Variants in KIF21A observed in about 807,000 individuals in gnomAD.
The protein encoded by KIF21A is kinesin family member 21A.
A neutral mutation model predicts 202.9 loss-of-function variants in KIF21A; 114 were observed. The ratio of observed to expected loss-of-function variants is 0.56; its 90% confidence interval spans 0.48 to 0.66. The LOEUF is 0.66. Ranked by LOEUF, KIF21A falls within the 30% of genes least tolerant of loss-of-function variation. The pLI is 0.00. For synonymous variants in KIF21A, 667 were observed against 670.8 expected (o/e 0.99, Z 0.09); for missense variants, 1,677 against 1,994.9 (o/e 0.84, Z 3.04).
intron 1 of KIF21A, among the ~76,000 whole-genome samples, chr12:39,397,915 C>A (rs1244156652): frequency 6.6e-6 from 1 of 152,224 alleles, no homozygotes; most frequent in Admixed American, 6.5e-5. Context: ...ATGTGTTCCT[C>A]AGATTTTGAG....
At chr12:39,350,357 C>T (rs2138646320) in intron 11 of KIF21A, among the ~76,000 whole-genome samples, 1 of 152,010 alleles carries the variant, frequency 6.6e-6, no homozygotes, top group Non-Finnish European at 1.5e-5. Flanking sequence ...AAATTTACCT[C>T]AAAAGGAAAA....
In KIF21A at chr12:39,301,484, C is replaced by T; in HGVS notation, c.4927G>A (p.Ala1643Thr). The change falls in exon 37 of 38, where the codon GCT becomes ACT. Residue 1643 changes from alanine (A) to threonine (T), a missense_variant. Transcript: ENST00000361418. ...CVNSTHIFTA[A>T]DDRTVRIWKA... ...AAATCATATAAGAAAACTTACTCAG[C>T]TGCAGTAAAAATGTGGGTGGAATTA... The T allele has an allele frequency of 6.2e-7, 1 of 1,613,032 alleles. No individual in the cohort carries two copies. The highest frequency in any genetic ancestry group is 8.5e-7 in the Non-Finnish European group (1 of 1,178,988).
At chr12:39,441,364 T>G (rs1270827625) in intron 1 of KIF21A, among the ~76,000 whole-genome samples, 1 of 152,000 alleles carries the variant, frequency 6.6e-6, no homozygotes, top group African/African-American at 2.4e-5. Context: ...AACAGACAAA[T>G]TGTCTGTTTT....
At position 39,311,531 on chromosome 12, in the gene KIF21A, C is replaced by T. The variant is rs1375008050; in HGVS notation, c.3982G>A (p.Ala1328Thr). The T allele has an allele frequency of 6.2e-7, 1 of 1,612,884 alleles. No homozygotes were observed. Among genetic ancestry groups the T allele is most frequent in the Non-Finnish European group, 8.5e-7 (1 of 1,179,184 alleles). Residue 1328 changes from alanine to threonine, a missense_variant, in exon 32 of 38, where the codon GCT becomes ACT. By Grantham distance (58) the Ala-to-Thr change is moderately conservative. Transcript: ENST00000361418. ...GGAAAAGCTCTGATTCCTTTTGAAG[C>T]AGGAAATGGGTTGATTATGCCCCTA... ...SRRGIINPFP[A>T]SKGIRAFPLQ... is the part of the protein sequence containing the mutation.
At chr12:39,441,264 G>A (rs1201243904) in intron 1 of KIF21A, among the ~76,000 whole-genome samples, 1 of 152,080 alleles carries the variant, frequency 6.6e-6, no homozygotes, top group Non-Finnish European at 1.5e-5. Context: ...TGGCTCTACA[G>A]GCAAAGAAGC....
chr12:39,384,215 G>C (rs1435415603), intron 1 of KIF21A, among the ~76,000 whole-genome samples: 2 of 152,054 alleles, frequency 1.3e-5, no homozygotes, highest in East Asian at 1.9e-4. Flanking sequence ...AACTCATGGA[G>C]TTTTTTTACT....
At chr12:39,294,538 C>T (rs1481724848) in intron 37 of KIF21A, 21 bp from the exon 38 acceptor site, 1 of 1,565,182 alleles carries the variant, frequency 6.4e-7, no homozygotes, top group Non-Finnish European at 8.8e-7. Context: ...ATAAACAAAA[C>T]ATGGATATAT....
chr12:39,298,891 A>G (rs927084027), intron 37 of KIF21A, among the ~76,000 whole-genome samples: 81 of 152,278 alleles, frequency 5.3e-4, no homozygotes, highest in African/African-American at 1.8e-3. Flanking sequence ...AGAGATTATA[A>G]TAATAATACT....
chr12:39,357,170 T>C (rs960448698), intron 9 of KIF21A, 78 bp downstream of exon 9: 5 of 1,218,578 alleles, frequency 4.1e-6, no homozygotes, highest in South Asian at 1.2e-5. Flanking sequence ...TCAACTATGC[T>C]AGGTAATTAG....
At chr12:39,302,843 A>C (rs908736646) in intron 36 of KIF21A, 122 bp downstream of exon 36, 2 of 869,764 alleles carry the variant, frequency 2.3e-6, no homozygotes, top group Non-Finnish European at 3.8e-6. Context: ...CTTTAAGAAA[A>C]AGGCCTGATT....
chr12:39,341,193 TA>T lies in KIF21A; in HGVS notation c.1922-100del, dbSNP rs1947412417. ...ATAAAAACCATCAACTAGGTATTTT[TA>T]TTCACTTAGTAGTTATTAGAAAAAT... is the stretch of plus-strand genomic sequence containing the variant. On this transcript the variant is annotated intron_variant, in intron 14 of 37. Coordinates refer to ENST00000361418, the MANE Select transcript of KIF21A (RefSeq NM_001173464.2). 2.5e-5 allele frequency: 24 copies of T among 976,166 alleles called. No individual in the cohort carries two copies. In the East Asian group the frequency reaches 6.0e-4, roughly 24 times the overall value. 60.5% of individuals were successfully genotyped at this position (976,166 alleles called of 1,614,324 possible).
At chr12:39,303,252 T>G in intron 35 of KIF21A, 117 bp from the exon 36 acceptor site, 1 of 808,018 alleles carries the variant, frequency 1.2e-6, no homozygotes, top group Non-Finnish European at 2.0e-6. Flanking sequence ...TGTTTTGTTA[T>G]CTATTGTTTC....
intron 11 of KIF21A, among the ~76,000 whole-genome samples, chr12:39,350,231 A>T (rs1290990806): frequency 2.6e-5 from 4 of 151,962 alleles, no homozygotes; most frequent in Non-Finnish European, 4.4e-5. Flanking sequence ...ACAACTACAT[A>T]ATCACTGAAT....
At chr12:39,398,836 C>T (rs1292533033) in intron 1 of KIF21A, among the ~76,000 whole-genome samples, 3 of 152,000 alleles carry the variant, frequency 2.0e-5, no homozygotes, top group Non-Finnish European at 4.4e-5. Flanking sequence ...TCCCCAGGTT[C>T]CACATCTGTG....
At position 39,390,420 on chromosome 12, in the gene KIF21A, G is replaced by C. The variant is rs975220266; in HGVS notation, c.45-20159C>G. On this transcript the variant is annotated intron_variant, in intron 1 of 37. Coordinates refer to ENST00000361418, the MANE Select transcript of KIF21A (RefSeq NM_001173464.2). The stretch of plus-strand genomic sequence containing the variant: ...ATTCAAGTTTACGAGGAAAAGTAGA[G>C]ACAAACAGGATTACTGGATGTTAGA... Among the ~76,000 whole-genome samples the C allele has an allele frequency of 3.2e-4, 48 of 152,052 alleles. 1 individual carries two copies. The highest frequency in any genetic ancestry group is 1.1e-3 in the African/African-American group (47 of 41,398).
At chr12:39,405,803 A>G (rs1474031470) in intron 1 of KIF21A, among the ~76,000 whole-genome samples, 1 of 152,220 alleles carries the variant, frequency 6.6e-6, no homozygotes, top group South Asian at 2.1e-4. Context: ...TGAAATGACT[A>G]AAAACACGAA....
chr12:39,380,640 T>C (rs1270660528), intron 1 of KIF21A, among the ~76,000 whole-genome samples: 1 of 151,814 alleles, frequency 6.6e-6, no homozygotes, highest in East Asian at 2.0e-4. Flanking sequence ...GAGGACCGCT[T>C]GATCCCAGAA....
chr12:39,342,200 G>C (rs1030035450), intron 12 of KIF21A, 76 bp from the exon 13 acceptor site: 2 of 1,010,070 alleles, frequency 2.0e-6, no homozygotes, highest in South Asian at 1.3e-5. Flanking sequence ...CAGATTTTTA[G>C]AAGCCATCAA....
intron 26 of KIF21A, among the ~76,000 whole-genome samples, chr12:39,324,933 T>C (rs1272477886): frequency 6.6e-6 from 1 of 152,212 alleles, no homozygotes; most frequent in Non-Finnish European, 1.5e-5. Flanking sequence ...TCAAACATTG[T>C]ATGATTGTTA....
Sources: gnomAD v4.1 joint callset for allele counts (sites outside exome capture counted in the v4.1 genomes callset) on GRCh38, gnomAD v4.1.1 for gene constraint, MANE v1.5 for transcripts, NCBI Gene and HGNC (gene_info 2026-07-23, HGNC 2026-07-21) for gene names.